The following MASP1 variants were observed in gnomAD, a reference collection of about 807,000 sequenced individuals.
The protein encoded by MASP1 is mannan-binding lectin serine protease 1.
MASP1 carries 59 observed loss-of-function variants against 77.1 expected under a neutral mutation model. That is an observed-to-expected ratio of 0.77 (90% CI 0.62 to 0.95). The LOEUF (loss-of-function observed/expected upper bound fraction) is 0.95, where lower values mean the gene tolerates loss of function less well. MASP1 is among the 40% of genes least tolerant of loss of function. The pLI is 0.00. For synonymous variants in MASP1, 362 were observed against 354.5 expected (o/e 1.02, Z -0.24); for missense variants, 885 against 912.9 (o/e 0.97, Z 0.39).
At chr3:187,272,677 G>T (rs1267804402) in intron 2 of MASP1, among the ~76,000 whole-genome samples, 5 of 152,074 alleles carry the variant, frequency 3.3e-5, no homozygotes, top group African/African-American at 1.2e-4. Context: ...AAGACGGCCC[G>T]CCTACAACTG....
intron 4 of MASP1, among the ~76,000 whole-genome samples, chr3:187,259,943 C>G (rs1440650412): frequency 2.6e-5 from 4 of 152,192 alleles, no homozygotes; most frequent in African/African-American, 9.7e-5. Flanking sequence ...TGCAGAAGCT[C>G]TTCTCTCTGC....
At position 187,223,126 on chromosome 3, in the gene MASP1, C is replaced by A; in HGVS notation, c.1809+1G>T. ...TCTGTAGGTTATAAAGTGAACTTCACCTCCATCAGGGTCTCTGGGAACCTT... is the reference window on the plus strand; with the variant it reads ...TCTGTAGGTTATAAAGTGAACTTCAACTCCATCAGGGTCTCTGGGAACCTT... On this transcript the variant is annotated splice_donor_variant, in intron 14 of 15. Transcript: ENST00000337774. LOFTEE classifies it high-confidence loss of function. 1 of 1,613,704 alleles carries A rather than the reference C, an allele frequency of 6.2e-7. No homozygotes were observed. The highest frequency in any genetic ancestry group is 1.1e-5 in the South Asian group (1 of 91,080).
At chr3:187,247,774 C>T in intron 8 of MASP1, among the ~76,000 whole-genome samples, 1 of 152,128 alleles carries the variant, frequency 6.6e-6, no homozygotes, top group Non-Finnish European at 1.5e-5. Flanking sequence ...CCATAATTCC[C>T]AGCTTCTTTT....
chr3:187,243,914 C>G, intron 8 of MASP1: 1 of 447,756 alleles, frequency 2.2e-6, no homozygotes, highest in South Asian at 2.4e-5. Context: ...AAGCAGACTC[C>G]AGTCTTTTAC....
At chr3:187,237,687 G>T (rs1713294878) in intron 10 of MASP1, among the ~76,000 whole-genome samples, 1 of 152,220 alleles carries the variant, frequency 6.6e-6, no homozygotes. Flanking sequence ...AAGGTCTTCG[G>T]CACCAGGCCC....
intron 4 of MASP1, 96 bp from the exon 5 acceptor site, chr3:187,256,956 G>T: frequency 1.9e-6 from 2 of 1,036,922 alleles, no homozygotes; most frequent in Non-Finnish European, 3.0e-6. Flanking sequence ...ATGGTCCCAA[G>T]CAGTAGACAG....
At chr3:187,239,327 G>A (rs1011107474) in intron 10 of MASP1, among the ~76,000 whole-genome samples, 3 of 152,092 alleles carry the variant, frequency 2.0e-5, no homozygotes, top group African/African-American at 7.2e-5. Context: ...CACGCAGCCT[G>A]GGCAACAAGA....
rs1351149901 is a variant in MASP1 at position 187,247,896 on chromosome 3, T to C, written c.1090+2355A>G. Among the ~76,000 whole-genome samples the C allele has an allele frequency of 2.6e-5, 4 of 152,200 alleles. No homozygotes were observed. In the East Asian group the frequency reaches 5.8e-4, roughly 22 times the overall value. On this transcript the variant is annotated intron_variant, in intron 8 of 10. Coordinates refer to ENST00000296280, the MANE Select transcript of MASP1 (RefSeq NM_139125.4). ...ACTGTTTAGGACCTGTGATATCCCA[T>C]GGCACAGAGCTGGGGCCACTGCTTT...
intron 2 of MASP1, among the ~76,000 whole-genome samples, chr3:187,263,546 TGTGA>T (rs1161038172): frequency 1.3e-5 from 2 of 152,204 alleles, no homozygotes; most frequent in African/African-American, 4.8e-5. Flanking sequence ...CCATTAATTC[TGTGA>T]GTAAGTGGAA....
In MASP1 at chr3:187,235,615, T is replaced by C. The variant is rs1713084132; in HGVS notation, c.*69A>G. 6.2e-7 allele frequency: 1 copy of C among 1,605,376 alleles called. No homozygotes were observed. The highest frequency in any genetic ancestry group is 1.3e-5 in the African/African-American group (1 of 74,988). On this transcript the variant is annotated 3_prime_UTR_variant, in exon 11 of 11. Coordinates refer to ENST00000296280, the MANE Select transcript of MASP1 (RefSeq NM_139125.4). ...ATTCCATATGGTCTGATAAGTAATG[T>C]GGAGTGTGCTGTCGGAAGTGCGGTG...
At chr3:187,221,094 G>A in exon 15 of MASP1, 1 of 1,614,156 alleles carries the variant, frequency 6.2e-7, no homozygotes, top group Non-Finnish European at 8.5e-7. Context: ...CGGGGCATAA[G>A]CCTTCTGGCA....
chr3:187,248,800 G>T (rs1714319907), intron 8 of MASP1, among the ~76,000 whole-genome samples: 2 of 152,136 alleles, frequency 1.3e-5, no homozygotes. Flanking sequence ...CCCCATGCTA[G>T]GCTCTGACTC....
chr3:187,291,372 T>A, intron 1 of MASP1: 1 of 573,106 alleles, frequency 1.7e-6, no homozygotes, highest in Non-Finnish European at 3.2e-6. Flanking sequence ...GTGGGAGAAA[T>A]CTGAGCTTCA....
chr3:187,223,498 G>A (rs891806300), intron 13 of MASP1, among the ~76,000 whole-genome samples: 1 of 152,186 alleles, frequency 6.6e-6, no homozygotes, highest in African/African-American at 2.4e-5. Context: ...CTTGGTCACT[G>A]CTATATCACA....
In MASP1 at chr3:187,256,856, C is replaced by T. The variant is rs755533942; in HGVS notation, c.552G>A (p.Glu184=). Residue 184 remains glutamate (E), a synonymous_variant, in exon 5 of 11, where the codon GAG becomes GAA. Coordinates refer to ENST00000296280, the MANE Select transcript of MASP1 (RefSeq NM_139125.4). Reference sequence around the variant, plus strand: ...TTTGAGTGAAGAGGTTGTCACTGCACTCCACTGTTGGAAACATAATAGAGA... The same window carrying T: ...TTTGAGTGAAGAGGTTGTCACTGCATTCCACTGTTGGAAACATAATAGAGA... The part of the protein sequence containing the change: ...LHTDNRTCRV[E]CSDNLFTQRT... 2 of 1,613,752 alleles carry T rather than the reference C, an allele frequency of 1.2e-6. No homozygotes were observed. Among genetic ancestry groups the T allele is most frequent in the Non-Finnish European group, 1.7e-6 (2 of 1,179,812 alleles).
intron 2 of MASP1, among the ~76,000 whole-genome samples, chr3:187,281,555 T>A (rs939304129): frequency 1.3e-5 from 2 of 152,250 alleles, no homozygotes; most frequent in Non-Finnish European, 2.9e-5. Context: ...GTTTACAAGT[T>A]CTGTGATGAC....
At chr3:187,247,777 C>T (rs1714221122) in intron 8 of MASP1, among the ~76,000 whole-genome samples, 1 of 152,170 alleles carries the variant, frequency 6.6e-6, no homozygotes, top group African/African-American at 2.4e-5. Context: ...TAATTCCCAG[C>T]TTCTTTTCTA....
chr3:187,235,789 G>C lies in MASP1; in HGVS notation c.2082C>G (p.Ser694Arg). 6.2e-7 allele frequency: 1 copy of C among 1,614,048 alleles called. No individual in the cohort carries two copies. The highest frequency in any genetic ancestry group is 8.5e-7 in the Non-Finnish European group (1 of 1,180,006). ...VSWGGPEECGSKQVYGVYTKV... is the reference protein window; with the variant it reads ...VSWGGPEECGRKQVYGVYTKV... ...TTGTGTAGACTCCATAGACCTGCTT[G>C]CTGCCGCATTCTTCAGGTCCCCCCC... The change falls in exon 11 of 11, where the codon AGC becomes AGG. Residue 694 changes from serine to arginine, a missense_variant. Coordinates refer to ENST00000296280, the MANE Select transcript of MASP1 (RefSeq NM_139125.4).
At chr3:187,290,970 T>C (rs560982786) in intron 1 of MASP1, among the ~76,000 whole-genome samples, 45 of 152,084 alleles carry the variant, frequency 3.0e-4, no homozygotes, top group South Asian at 6.2e-4. Context: ...ATTTCAGAAC[T>C]CTAAAATCCT....
Sources: allele counts gnomAD v4.1 joint callset (sites outside exome capture counted in the v4.1 genomes callset), GRCh38; gene constraint gnomAD v4.1.1; transcripts MANE v1.5; gene names NCBI Gene and HGNC (gene_info 2026-07-23, HGNC 2026-07-21).